The following GALNTL6 variants were observed in gnomAD, a reference collection of about 807,000 sequenced individuals.
The protein encoded by GALNTL6 is polypeptide N-acetylgalactosaminyltransferase like 6, also known as polypeptide N-acetylgalactosaminyltransferase-like 6.
In GALNTL6, 46 loss-of-function variants were observed where a neutral mutation model predicts 73.7. The observed-to-expected ratio is 0.62, with a 90% CI of 0.49 to 0.80. The LOEUF (loss-of-function observed/expected upper bound fraction) is 0.80. GALNTL6 is among the 30% of genes least tolerant of loss of function. GALNTL6 has a pLI of 0.00. For synonymous variants in GALNTL6, 259 were observed against 263.7 expected (o/e 0.98, Z 0.17); for missense variants, 604 against 755.0 (o/e 0.80, Z 2.34).
chr4:172,221,089 A>G (rs1188135337), intron 2 of GALNTL6, among the ~76,000 whole-genome samples: 2 of 151,910 alleles, frequency 1.3e-5, no homozygotes, highest in Non-Finnish European at 3.0e-5. Flanking sequence ...GATATATGAA[A>G]GCACCTGGGT....
intron 2 of GALNTL6, among the ~76,000 whole-genome samples, chr4:172,044,397 A>T (rs1459326328): frequency 1.3e-5 from 2 of 151,922 alleles, no homozygotes; most frequent in African/African-American, 4.8e-5. Flanking sequence ...ATTTGTTTAT[A>T]TTTTTGGTGT....
intron 2 of GALNTL6, among the ~76,000 whole-genome samples, chr4:171,901,990 C>G (rs1486028784): frequency 6.6e-6 from 1 of 152,098 alleles, no homozygotes; most frequent in Non-Finnish European, 1.5e-5. Context: ...TACAGCTCAT[C>G]ATTCTGATAG....
intron 8 of GALNTL6, among the ~76,000 whole-genome samples, chr4:172,896,741 G>C (rs1746354683): frequency 6.6e-6 from 1 of 152,142 alleles, no homozygotes; most frequent in African/African-American, 2.4e-5. Context: ...GCTGATACTA[G>C]GCCCTCTTGC....
intron 5 of GALNTL6, among the ~76,000 whole-genome samples, chr4:172,596,469 A>AC (rs1011525798): frequency 2.6e-5 from 4 of 151,650 alleles, no homozygotes; most frequent in Non-Finnish European, 5.9e-5. Flanking sequence ...AGAAAAAAAA[A>AC]AAAGTGTGAC....
chr4:172,968,998 AAAG>A (rs796603714), intron 10 of GALNTL6, among the ~76,000 whole-genome samples: 43 of 152,368 alleles, frequency 2.8e-4, no homozygotes, highest in African/African-American at 7.7e-4. Flanking sequence ...AAGTGGCTAT[AAAG>A]AAGATGAAAA....
Position 172,070,005 on chromosome 4 carries a change from C to T in GALNTL6, c.139-159651C>T, listed in dbSNP as rs1339387506. 5.5e-5 allele frequency among the ~76,000 whole-genome samples: 6 copies of T among 108,152 alleles called. 2 individuals are homozygous for T. The highest frequency in any genetic ancestry group is 2.1e-4 in the African/African-American group (6 of 28,672). The allele number at this position is 108,152 out of a possible 152,430, so 71.0% of individuals were successfully genotyped here. ...GAGCATTGTATTCTCAATGGGTTGC[C>T]TCTCTGGCCTCTTCGATAAGGTAGT... On this transcript the variant is annotated intron_variant, in intron 2 of 12. Transcript: ENST00000506823.
chr4:171,833,983 T>TA (rs1735040086), intron 2 of GALNTL6, among the ~76,000 whole-genome samples: 1 of 151,846 alleles, frequency 6.6e-6, no homozygotes. Flanking sequence ...ATAGATGTTT[T>TA]CATGTTTTTG....
At chr4:173,019,943 G>A (rs1361616471) in intron 11 of GALNTL6, among the ~76,000 whole-genome samples, 2 of 152,228 alleles carry the variant, frequency 1.3e-5, no homozygotes, top group South Asian at 2.1e-4. Context: ...GGCCTGGTCA[G>A]TGCATAGTGT....
At chr4:172,210,645 AT>A (rs1019741996) in intron 2 of GALNTL6, among the ~76,000 whole-genome samples, 2 of 152,150 alleles carry the variant, frequency 1.3e-5, no homozygotes, top group African/African-American at 2.4e-5. Flanking sequence ...ACTTATCAGT[AT>A]TGATGTTGAC....
chr4:172,921,343 C>G (rs1747779979), intron 8 of GALNTL6, among the ~76,000 whole-genome samples: 1 of 152,156 alleles, frequency 6.6e-6, no homozygotes, highest in Admixed American at 6.5e-5. Context: ...CTTATTGAAA[C>G]TAATTTCATA....
chr4:172,460,224 A>G (rs1212022937), intron 5 of GALNTL6, among the ~76,000 whole-genome samples: 1 of 152,230 alleles, frequency 6.6e-6, no homozygotes, highest in African/African-American at 2.4e-5. Context: ...TTAACTCAAG[A>G]TGGATTAAAG....
At chr4:172,117,239 A>G (rs1733009263) in intron 2 of GALNTL6, among the ~76,000 whole-genome samples, 1 of 152,194 alleles carries the variant, frequency 6.6e-6, no homozygotes, top group African/African-American at 2.4e-5. Context: ...TTTATCTTCC[A>G]GCTGAAAATG....
At chr4:171,942,006 G>A (rs1168115810) in intron 2 of GALNTL6, among the ~76,000 whole-genome samples, 2 of 152,108 alleles carry the variant, frequency 1.3e-5, no homozygotes, top group African/African-American at 4.8e-5. Flanking sequence ...CATGCTCAAA[G>A]TTATTCAGGA....
intron 5 of GALNTL6, among the ~76,000 whole-genome samples, chr4:172,548,401 C>G (rs191514261): frequency 2.0e-5 from 3 of 152,012 alleles, no homozygotes; most frequent in Middle Eastern, 3.2e-3. Flanking sequence ...TTTAAGAGAA[C>G]GAAGGGCAGG....
At chr4:171,845,189 A>C (rs993725133) in intron 2 of GALNTL6, among the ~76,000 whole-genome samples, 1 of 152,070 alleles carries the variant, frequency 6.6e-6, no homozygotes, top group Admixed American at 6.6e-5. Flanking sequence ...AACTGTTTTG[A>C]TTTTTCCATT....
At chr4:172,389,524 T>C (rs1196621961) in intron 5 of GALNTL6, among the ~76,000 whole-genome samples, 1 of 152,128 alleles carries the variant, frequency 6.6e-6, no homozygotes, top group East Asian at 1.9e-4. Flanking sequence ...AAAATTGTAA[T>C]AAGTTCTGTT....
chr4:172,229,619 C>T (rs1453151299), intron 2 of GALNTL6, 37 bp from the exon 3 acceptor site: 2 of 1,325,508 alleles, frequency 1.5e-6, no homozygotes, highest in Admixed American at 1.7e-5. Context: ...AAAGGAAATA[C>T]CTCCTTTTTA....
At chr4:172,176,129 G>A (rs1051786581) in intron 2 of GALNTL6, among the ~76,000 whole-genome samples, 2 of 151,748 alleles carry the variant, frequency 1.3e-5, no homozygotes, top group African/African-American at 2.4e-5. Context: ...CACAAGGTCA[G>A]GAGATCGAGA....
intron 2 of GALNTL6, among the ~76,000 whole-genome samples, chr4:172,128,847 T>G (rs1410297689): frequency 6.6e-6 from 1 of 152,132 alleles, no homozygotes; most frequent in Non-Finnish European, 1.5e-5. Context: ...CAGGCTTTTT[T>G]CCCCCTCTCC....
Sources: allele counts gnomAD v4.1 joint callset (sites outside exome capture counted in the v4.1 genomes callset), GRCh38; gene constraint gnomAD v4.1.1; transcripts MANE v1.5; gene names NCBI Gene and HGNC (gene_info 2026-07-23, HGNC 2026-07-21).